The following GAMT variants were observed in gnomAD, a reference collection of about 807,000 sequenced individuals.
The protein encoded by GAMT is epididymis secretory protein Li 20.
GAMT carries 26 observed loss-of-function variants against 26.9 expected under a neutral mutation model. The observed-to-expected ratio is 0.97, with a 90% CI of 0.71 to 1.34. The LOEUF is 1.34. Ranked by LOEUF, GAMT falls within the 40% of genes most tolerant of loss-of-function variation. The pLI is 0.00. For synonymous variants in GAMT, 169 were observed against 149.6 expected, an observed-to-expected ratio of 1.13 and a Z score of -0.95; for missense variants, 412 against 345.0, an observed-to-expected ratio of 1.19 and a Z score of -1.54.
chr19:1,398,726 GAGCCACTGCTCCTGGC>G, intron 5 of GAMT, 174 bp downstream of exon 5: 1 of 1,542,270 alleles, frequency 6.5e-7, no homozygotes, highest in Non-Finnish European at 8.7e-7. Context: ...TTATAGACCT[GAGCCACTGCTCCTGGC>G]AGCCACTGCG....
chr19:1,399,402 C>T lies in GAMT; in HGVS notation c.391+122G>A. ...CCCCGGTGCTCCGCCATCCCACAGC[C>T]AGGCCCACACCCACTTGGGCTCTGT... is the stretch of plus-strand genomic sequence containing the variant. On this transcript the variant is annotated intron_variant, in intron 3 of 5. Coordinates refer to ENST00000252288, the MANE Select transcript of GAMT (RefSeq NM_000156.6). This position sits in a 1 kb window ranked among gnomAD's most constrained non-coding sequence, Gnocchi z 6.2. The T allele has an allele frequency of 9.2e-7, 1 of 1,085,218 alleles. No homozygotes were observed. The highest frequency in any genetic ancestry group is 1.4e-5 in the South Asian group (1 of 71,914). The allele number at this position is 1,085,218 out of a possible 1,614,324, so 67.2% of individuals were successfully genotyped here. A position where few individuals can be genotyped will look rare whatever the true frequency, so the allele number is the denominator to read the frequency against.
At position 1,397,039 on chromosome 19, in the gene GAMT, G is replaced by T; in HGVS notation, c.*320C>A. The T allele has an allele frequency of 2.8e-6, 1 of 357,232 alleles. No homozygotes were observed. Among genetic ancestry groups the T allele is most frequent in the Non-Finnish European group, 5.3e-6 (1 of 188,398 alleles). The allele number at this position is 357,232 out of a possible 1,614,324, so 22.1% of individuals were successfully genotyped here. A position where few individuals can be genotyped will look rare whatever the true frequency, so the allele number is the denominator to read the frequency against. ...AGTCACCCACTTTTCCTGTGTCCAT[G>T]GGATGGGCGGGAGGTGAGGGAGCAG... On this transcript the variant is annotated 3_prime_UTR_variant, in exon 6 of 6. Coordinates refer to ENST00000252288, the MANE Select transcript of GAMT (RefSeq NM_000156.6).
rs1024097269 is a variant in GAMT, at chr19:1,397,297, C to T, written c.*62G>A. ...ATCAGCCCAGGGCTGGTGCGACACC[C>T]TGGACTCCCGGCCAGGAAGGCACGG... is the stretch of plus-strand genomic sequence containing the variant. On this transcript the variant is annotated 3_prime_UTR_variant, in exon 6 of 6. Transcript: ENST00000252288. The T allele has an allele frequency of 6.4e-7, 1 of 1,553,624 alleles. No homozygotes were observed. The highest frequency in any genetic ancestry group is 8.7e-7 in the Non-Finnish European group (1 of 1,151,456).
Position 1,399,297 on chromosome 19 carries a change from G to A in GAMT, c.392-102C>T. 1.5e-6 allele frequency: 2 copies of A among 1,347,496 alleles called. No homozygotes were observed. The highest frequency in any genetic ancestry group is 1.2e-5 in the South Asian group (1 of 84,722). The allele number at this position is 1,347,496 out of a possible 1,614,324, so 83.5% of individuals were successfully genotyped here. A position where few individuals can be genotyped will look rare whatever the true frequency, so the allele number is the denominator to read the frequency against. ...GCGGGTGGAGGTGCAGTGAGACGGG[G>A]CCGTGGGTAGAGGTGGGGCTCCCAC... On this transcript the variant is annotated intron_variant, in intron 3 of 5. Coordinates refer to ENST00000252288, the MANE Select transcript of GAMT (RefSeq NM_000156.6). This position sits in a 1 kb window ranked among gnomAD's most constrained non-coding sequence, Gnocchi z 6.2.
At chr19:1,400,228 G>A (rs1261491371) in intron 1 of GAMT, among the ~76,000 whole-genome samples, 2 of 146,344 alleles carry the variant, frequency 1.4e-5, no homozygotes, top group African/African-American at 5.1e-5. Context: ...GTCTGGAAGA[G>A]GGGGTGCAGA....
At chr19:1,397,588 A>G (rs2082608155) in intron 5 of GAMT, 89 bp from the exon 6 acceptor site, 1 of 1,565,220 alleles carries the variant, frequency 6.4e-7, no homozygotes, top group Non-Finnish European at 8.7e-7. Flanking sequence ...GTGTTTACAG[A>G]TGGCAAGGCC....
Position 1,399,426 on chromosome 19 carries a change from G to T in GAMT, c.391+98C>A. 2 of 1,218,208 alleles carry T rather than the reference G, an allele frequency of 1.6e-6. No individual in the cohort carries two copies. The highest frequency in any genetic ancestry group is 1.3e-5 in the South Asian group (1 of 74,678). 75.5% of individuals were successfully genotyped at this position (1,218,208 alleles called of 1,614,324 possible). On this transcript the variant is annotated intron_variant, in intron 3 of 5. Coordinates refer to ENST00000252288, the MANE Select transcript of GAMT (RefSeq NM_000156.6). The surrounding 1 kb of genome is among the most constrained non-coding windows in gnomAD (Gnocchi z 6.2). ...CCAGGCCCACACCCACTTGGGCTCT[G>T]TCCCCCCAGTGCACATCAGAGGGAC...
intron 5 of GAMT, chr19:1,398,444 C>A: frequency 2.7e-6 from 1 of 374,652 alleles, no homozygotes. Flanking sequence ...TTCTTTCTTT[C>A]TTTTTTCTTG....
chr19:1,399,062 GT>G lies in GAMT; in HGVS notation c.460-37del, dbSNP rs1437301660. 6.2e-7 allele frequency: 1 copy of G among 1,613,316 alleles called. No individual in the cohort carries two copies. The highest frequency in any genetic ancestry group is 1.1e-5 in the South Asian group (1 of 91,088). The stretch of plus-strand genomic sequence containing the variant: ...GGAGTGGCCAGTGGTCAGGACGGAG[GT>G]GGGGGTGTGGGCAGAGGGGCTTCCC... On this transcript the variant is annotated intron_variant, in intron 4 of 5. Transcript: ENST00000252288. This position sits in a 1 kb window ranked among gnomAD's most constrained non-coding sequence, Gnocchi z 6.2.
intron 5 of GAMT, chr19:1,397,981 GAC>G: frequency 1.9e-6 from 2 of 1,035,552 alleles, no homozygotes; most frequent in Non-Finnish European, 2.3e-6. Context: ...AACCAGCAAA[GAC>G]AGCCAGGTGG....
chr19:1,401,271 G>A, intron 1 of GAMT, 25 bp downstream of exon 1: 1 of 1,430,410 alleles, frequency 7.0e-7, no homozygotes, highest in Non-Finnish European at 9.2e-7. Context: ...GCCCCCGGGG[G>A]CGGTGCAGGC....
chr19:1,397,821 C>T, intron 5 of GAMT: 1 of 1,220,858 alleles, frequency 8.2e-7, no homozygotes. Context: ...AGAACACAGG[C>T]CACTAGTTCC....
At chr19:1,400,905 C>T (rs1327318458) in intron 1 of GAMT, among the ~76,000 whole-genome samples, 1 of 152,194 alleles carries the variant, frequency 6.6e-6, no homozygotes, top group Non-Finnish European at 1.5e-5. Context: ...CTTAGCCGGG[C>T]GAGTCGGGGC....
intron 1 of GAMT, among the ~76,000 whole-genome samples, chr19:1,400,538 C>T (rs1438444455): frequency 6.6e-6 from 1 of 152,276 alleles, no homozygotes; most frequent in East Asian, 1.9e-4. Context: ...TTGAGCCCAG[C>T]CCACGCTGTT....
chr19:1,397,945 A>G, intron 5 of GAMT: 1 of 1,072,174 alleles, frequency 9.3e-7, no homozygotes, highest in South Asian at 2.9e-5. Flanking sequence ...CACCAGGCAG[A>G]GGGAACAGCG....
chr19:1,397,567 CT>C, intron 5 of GAMT, 68 bp from the exon 6 acceptor site: 1 of 1,588,082 alleles, frequency 6.3e-7, no homozygotes, highest in Non-Finnish European at 8.5e-7. Flanking sequence ...GCGCCCACCC[CT>C]CATTGAAGAG....
rs1298671907 is a variant in GAMT at position 1,399,812 on chromosome 19, G to T, written c.308C>A (p.Ala103Asp). The change falls in exon 2 of 6, where the codon GCC (alanine) becomes GAC (aspartate). Residue 103 changes from alanine to aspartate, a missense_variant. Physicochemically the swap from Ala to Asp is moderately radical, Grantham distance 126 (BLOSUM62 -2). Transcript: ENST00000252288. This position sits in a 1 kb window ranked among gnomAD's most constrained non-coding sequence, Gnocchi z 6.2. ...GGGCACCTTGTGTGTCTGCCGTGGGGCCCAGTCCCGGAGCCGCTGGAAGAC... is the reference window on the plus strand; with the variant it reads ...GGGCACCTTGTGTGTCTGCCGTGGGTCCCAGTCCCGGAGCCGCTGGAAGAC... ...DGVFQRLRDW[A>D]PRQTHKVIPL... 1 of 1,574,222 alleles carries T rather than the reference G, an allele frequency of 6.4e-7. No homozygotes were observed. The highest frequency in any genetic ancestry group is 2.3e-5 in the East Asian group (1 of 42,654).
chr19:1,398,772 T>A, intron 5 of GAMT, 144 bp downstream of exon 5: 1 of 1,550,444 alleles, frequency 6.4e-7, no homozygotes, highest in Non-Finnish European at 8.7e-7. Context: ...GGACTTTGAT[T>A]TCTAAATGAA....
chr19:1,398,949 C>G lies in GAMT; in HGVS notation c.537G>C (p.Lys179Asn). ...TGATGGTGATGTCTGAGTACTTGGA[C>G]TTCATCAGCTCCCCCCAGGAGGTGA... ...CNLTSWGELM[K>N]SKYSDITIMF... is the part of the protein sequence containing the mutation. The change falls in exon 5 of 6, where the codon AAG becomes AAC. Residue 179 changes from lysine to asparagine, a missense_variant. Transcript: ENST00000252288. The G allele has an allele frequency of 6.2e-7, 1 of 1,613,432 alleles. No individual in the cohort carries two copies. The highest frequency in any genetic ancestry group is 8.5e-7 in the Non-Finnish European group (1 of 1,180,008).
Sources: gnomAD v4.1 joint callset for allele counts (sites outside exome capture counted in the v4.1 genomes callset) on GRCh38, gnomAD v4.1.1 for gene constraint, Gnocchi (gnomAD v3.1) non-coding constraint, MANE v1.5 for transcripts, NCBI Gene and HGNC (gene_info 2026-07-23, HGNC 2026-07-21) for gene names.